VWF: variants seen among roughly 807,000 people sequenced by gnomAD.
VWF encodes the protein Factor VIII related antigen.
VWF carries 176 observed loss-of-function variants against 308.6 expected under a neutral mutation model. The ratio of observed to expected loss-of-function variants is 0.57; its 90% confidence interval spans 0.50 to 0.65. The LOEUF is 0.65. Ranked by LOEUF, VWF falls within the 30% of genes least tolerant of loss-of-function variation. The pLI, the probability that VWF is intolerant of heterozygous loss-of-function variation, is 0.00. For synonymous variants in VWF, 1,385 were observed against 1,443.4 expected, an observed-to-expected ratio of 0.96 and a Z score of 0.92; for missense variants, 3,146 against 3,648.2, an observed-to-expected ratio of 0.86 and a Z score of 3.55.
At chr12:6,091,871 C>T (rs1591912199) in intron 6 of VWF, among the ~76,000 whole-genome samples, 1 of 152,226 alleles carries the variant, frequency 6.6e-6, no homozygotes. Context: ...CCTGGCTCTG[C>T]ACCTTGCTAG....
intron 45 of VWF, 108 bp downstream of exon 45, chr12:5,969,103 T>A (rs1026828690): frequency 7.7e-7 from 1 of 1,290,682 alleles, no homozygotes; most frequent in African/African-American, 1.5e-5. Context: ...TTCGGTCCTA[T>A]CCATTTCCCT....
At position 6,087,151 on chromosome 12, in the gene VWF, G is replaced by A. The variant is rs185195696; in HGVS notation, c.657+8309C>T. 1.5e-3 allele frequency among the ~76,000 whole-genome samples: 235 copies of A among 152,220 alleles called. 1 individual carries two copies. Among genetic ancestry groups the A allele is most frequent in the African/African-American group, 5.4e-3 (225 of 41,520 alleles). On this transcript the variant is annotated intron_variant, in intron 6 of 51. Coordinates refer to ENST00000261405, the MANE Select transcript of VWF (RefSeq NM_000552.5). ...TGACTGACAGGACTGCAATTGATGT[G>A]AGCTCCTGAGCCAGACCAGGAGAAA...
At chr12:5,954,448 A>G (rs377176372) in intron 47 of VWF, among the ~76,000 whole-genome samples, 3 of 152,238 alleles carry the variant, frequency 2.0e-5, no homozygotes, top group African/African-American at 7.2e-5. Flanking sequence ...ATCCTTGAAA[A>G]AAGGAACCAT....
intron 10 of VWF, among the ~76,000 whole-genome samples, chr12:6,068,513 G>C (rs9989051): frequency 1.3e-5 from 2 of 151,730 alleles, no homozygotes; most frequent in Non-Finnish European, 2.9e-5. Flanking sequence ...TCTGTTGCCC[G>C]GCGTGGAGTG....
At chr12:5,973,392 A>T (rs2239138) in intron 43 of VWF, among the ~76,000 whole-genome samples, 101,367 of 152,126 alleles carry the variant, frequency 0.67, 34,525 homozygotes, top group Middle Eastern at 0.78. Context: ...ACTGAAAAAT[A>T]AATTATGAAT....
In VWF at chr12:6,071,303, A is replaced by T. The variant is rs762146804; in HGVS notation, c.1150T>A (p.Cys384Ser). 8 of 1,614,172 alleles carry T rather than the reference A, an allele frequency of 5.0e-6. No homozygotes were observed. The highest frequency in any genetic ancestry group is 6.8e-6 in the Non-Finnish European group (8 of 1,180,032). The change falls in exon 10 of 52, where the codon TGT becomes AGT. Residue 384 changes from cysteine (C) to serine (S), a missense_variant. By Grantham distance (112) the Cys-to-Ser change is moderately radical (BLOSUM62 -1). This residue lies in a region of VWF where 1,304 missense variants were observed against 1,353.0 expected (regional missense o/e 0.96). Coordinates refer to ENST00000261405, the MANE Select transcript of VWF (RefSeq NM_000552.5). ...NSQWICSNEE[C>S]PGECLVTGQS... is the part of the protein sequence containing the mutation. ...TGAGCGGCAGGTCGCCTACCTGGAC[A>T]TTCTTCATTGCTGCAGATCCACTGG...
Position 6,075,569 on chromosome 12 carries a change from G to A in VWF, c.658-18C>T, listed in dbSNP as rs765824170. The A allele has an allele frequency of 7.8e-5, 126 of 1,608,118 alleles. No homozygotes were observed. The highest frequency in any genetic ancestry group is 1.7e-5 in the Non-Finnish European group (20 of 1,177,158). On this transcript the variant is annotated intron_variant, in intron 6 of 51. Transcript: ENST00000261405. This position sits in a 1 kb window ranked among gnomAD's most constrained non-coding sequence, Gnocchi z 4.7. ...CACAGGCCCTGCAGGAAGAGGGGCCGCCTCAGCGGTATGCTCCGTTAGTGT... is the reference window on the plus strand; with the variant it reads ...CACAGGCCCTGCAGGAAGAGGGGCCACCTCAGCGGTATGCTCCGTTAGTGT...
chr12:6,044,124 A>ACTTT (rs879529699), intron 18 of VWF, among the ~76,000 whole-genome samples, 167 bp downstream of exon 18: 6,003 of 152,064 alleles, frequency 0.039, 146 homozygotes, highest in Middle Eastern at 0.068. Context: ...GGCAGGGAGG[A>ACTTT]GACAGAAGAG....
chr12:5,952,993 C>T (rs1943210505), intron 48 of VWF, among the ~76,000 whole-genome samples: 1 of 152,132 alleles, frequency 6.6e-6, no homozygotes, highest in African/African-American at 2.4e-5. Context: ...CTTTGGGAGG[C>T]CGAGGTGGGC....
intron 47 of VWF, among the ~76,000 whole-genome samples, chr12:5,958,228 T>C (rs1352061488): frequency 1.3e-5 from 2 of 152,332 alleles, no homozygotes; most frequent in East Asian, 3.9e-4. Context: ...ACCCCAACCA[T>C]ATCAATAATT....
chr12:5,987,843 A>G (rs1004997889), intron 38 of VWF, among the ~76,000 whole-genome samples: 1 of 152,234 alleles, frequency 6.6e-6, no homozygotes, highest in East Asian at 1.9e-4. Context: ...GGGTTGAGGG[A>G]TATATTTAAA....
intron 16 of VWF, among the ~76,000 whole-genome samples, chr12:6,050,426 C>A (rs988266039): frequency 3.3e-5 from 5 of 152,198 alleles, no homozygotes; most frequent in African/African-American, 1.2e-4. Flanking sequence ...CCAAAACCCA[C>A]CCCCTGAAGT....
intron 16 of VWF, among the ~76,000 whole-genome samples, chr12:6,051,936 C>T (rs967438138): frequency 6.6e-6 from 1 of 152,174 alleles, no homozygotes; most frequent in Non-Finnish European, 1.5e-5. Context: ...ACCACCAATT[C>T]TTAGCCAGAA....
intron 6 of VWF, among the ~76,000 whole-genome samples, chr12:6,092,626 T>TGAGAGTGAGAGAGAGAGAGA (rs1242670462): frequency 5.0e-4 from 42 of 83,530 alleles, no homozygotes; most frequent in African/African-American, 1.4e-3. Context: ...AGAGTGTGTG[T>TGAGAGTGAGAGAGAGAGAGA]GTGTGTGTGT....
rs528499032 is a variant in VWF at position 6,077,653 on chromosome 12, G to A, written c.658-2102C>T. Among the ~76,000 whole-genome samples the A allele has an allele frequency of 5.3e-5, 8 of 152,222 alleles. No individual in the cohort carries two copies. The South Asian group carries it at 1.2e-3, about 24-fold the overall frequency. ...GTCCCAGACGGCCTGTTGGGGCCACGTGAAGATGCCACAATGCCAGCACCA... is the reference window on the plus strand; with the variant it reads ...GTCCCAGACGGCCTGTTGGGGCCACATGAAGATGCCACAATGCCAGCACCA... On this transcript the variant is annotated intron_variant, in intron 6 of 51. Coordinates refer to ENST00000261405, the MANE Select transcript of VWF (RefSeq NM_000552.5).
chr12:6,035,229 G>A lies in VWF; in HGVS notation c.2547-403C>T, dbSNP rs1476496091. ...GACACACTGATGTTGAAAGCCTGAG[G>A]CTAATGGGAAAAACAAGACAGAACA... On this transcript the variant is annotated intron_variant, in intron 19 of 51. Transcript: ENST00000261405. Among the ~76,000 whole-genome samples, 5 of 152,214 alleles carry A rather than the reference G, an allele frequency of 3.3e-5. No individual in the cohort carries two copies. The East Asian group carries it at 9.6e-4, about 29-fold the overall frequency.
chr12:6,104,688 C>T (rs1384325443), intron 5 of VWF, among the ~76,000 whole-genome samples: 2 of 151,400 alleles, frequency 1.3e-5, no homozygotes, highest in Admixed American at 6.6e-5. Context: ...CAGAGTGAGA[C>T]TCTGTCTCGG....
chr12:6,084,056 A>C (rs1303682851), intron 6 of VWF, among the ~76,000 whole-genome samples: 1 of 152,194 alleles, frequency 6.6e-6, no homozygotes, highest in Admixed American at 6.5e-5. Flanking sequence ...ACTTCTTTAC[A>C]TGAGAGATAA....
At position 6,052,532 on chromosome 12, in the gene VWF, C is replaced by T. The variant is rs879248539; in HGVS notation, c.2186+11G>A. On this transcript the variant is annotated intron_variant, in intron 16 of 51. Coordinates refer to ENST00000261405, the MANE Select transcript of VWF (RefSeq NM_000552.5). ...GTTTTAGAGGTCCCTGACACTGCTG[C>T]CTGCACTTACCACATGGTGTGATGG... The T allele has an allele frequency of 6.2e-6, 10 of 1,614,088 alleles. No individual in the cohort carries two copies. The highest frequency in any genetic ancestry group is 1.3e-5 in the African/African-American group (1 of 74,938).
Sources: gnomAD v4.1 joint callset for allele counts (sites outside exome capture counted in the v4.1 genomes callset) on GRCh38, gnomAD v4.1.1 for gene constraint, gnomAD v4.1.1 regional missense constraint, Gnocchi (gnomAD v3.1) non-coding constraint, MANE v1.5 for transcripts, NCBI Gene and HGNC (gene_info 2026-07-23, HGNC 2026-07-21) for gene names.